RPS6KC1: variants seen among roughly 807,000 people sequenced by gnomAD.
RPS6KC1 encodes the protein ribosomal protein S6 kinase C1.
In RPS6KC1, 54 loss-of-function variants were observed where a neutral mutation model predicts 103.8. The observed-to-expected ratio is 0.52, with a 90% CI of 0.42 to 0.65. The LOEUF is 0.65. RPS6KC1 is among the 30% of genes least tolerant of loss of function. The pLI is 0.00. For synonymous variants in RPS6KC1, 439 were observed against 438.7 expected, an observed-to-expected ratio of 1.00 and a Z score of -0.01; for missense variants, 1,151 against 1,253.8, an observed-to-expected ratio of 0.92 and a Z score of 1.24.
chr1:213,383,581 A>G, the RPS6KC1 span, among the ~76,000 whole-genome samples: 1 of 152,306 alleles, frequency 6.6e-6, no homozygotes, highest in South Asian at 2.1e-4. Context: ...CCCCACCCCA[A>G]ATTCATATTT....
chr1:213,812,576 T>C, the RPS6KC1 span, among the ~76,000 whole-genome samples: 2 of 152,226 alleles, frequency 1.3e-5, no homozygotes, highest in South Asian at 4.1e-4. Context: ...TAAAGCCCTT[T>C]TAAAGACAGT....
At chr1:213,097,667 C>T (rs1411074010) in intron 3 of RPS6KC1, among the ~76,000 whole-genome samples, 1 of 152,192 alleles carries the variant, frequency 6.6e-6, no homozygotes, top group Non-Finnish European at 1.5e-5. Flanking sequence ...CATTTTCTTC[C>T]AAAAGAAGGC....
chr1:213,274,857 G>A (rs1274129024), downstream of RPS6KC1: 1 of 152,032 alleles, frequency 6.6e-6, no homozygotes, highest in Non-Finnish European at 1.5e-5. Flanking sequence ...ATACACTTCA[G>A]TAGTGGCATT....
chr1:213,384,026 C>T, the RPS6KC1 span, among the ~76,000 whole-genome samples: 1 of 152,158 alleles, frequency 6.6e-6, no homozygotes, highest in African/African-American at 2.4e-5. Context: ...CCTGTAATCC[C>T]AGCTCTTTTG....
the RPS6KC1 span, among the ~76,000 whole-genome samples, chr1:213,431,643 TTGTTTGTGTGTATGTG>T: frequency 3.5e-5 from 5 of 141,254 alleles, no homozygotes; most frequent in African/African-American, 5.3e-5. Flanking sequence ...TTGTATTCCA[TTGTTTGTGTGTATGTG>T]TGTGTGTGTG....
At chr1:213,057,718 G>C (rs1295936349) in intron 1 of RPS6KC1, among the ~76,000 whole-genome samples, 2 of 129,464 alleles carry the variant, frequency 1.5e-5, no homozygotes, top group East Asian at 4.6e-4. Context: ...ATTTTCTCCT[G>C]ATCTAGAGCA....
the RPS6KC1 span, among the ~76,000 whole-genome samples, chr1:213,767,520 T>C: frequency 1.3e-5 from 2 of 152,150 alleles, no homozygotes; most frequent in Non-Finnish European, 2.9e-5. Context: ...CCTTTACCCA[T>C]AGAACATGTG....
intron 8 of RPS6KC1, among the ~76,000 whole-genome samples, chr1:213,216,907 C>G (rs1372870098): frequency 6.6e-6 from 1 of 151,842 alleles, no homozygotes; most frequent in Non-Finnish European, 1.5e-5. Flanking sequence ...TAAATGCCCA[C>G]AAGAGAAAGC....
chr1:213,756,365 G>C, the RPS6KC1 span, among the ~76,000 whole-genome samples: 1 of 152,128 alleles, frequency 6.6e-6, no homozygotes, highest in Non-Finnish European at 1.5e-5. Context: ...GTAGGGAAGG[G>C]TTCAAAGGCA....
At chr1:213,303,755 T>C in the RPS6KC1 span, among the ~76,000 whole-genome samples, 1 of 152,178 alleles carries the variant, frequency 6.6e-6, no homozygotes, top group African/African-American at 2.4e-5. Flanking sequence ...CCAAAAGGTT[T>C]TATAAATAAT....
chr1:213,554,563 C>T, the RPS6KC1 span, among the ~76,000 whole-genome samples: 2 of 152,106 alleles, frequency 1.3e-5, no homozygotes, highest in Non-Finnish European at 2.9e-5. Flanking sequence ...CTGAATATCA[C>T]AATTGTTTAA....
At chr1:213,832,838 T>G in the RPS6KC1 span, among the ~76,000 whole-genome samples, 2 of 152,214 alleles carry the variant, frequency 1.3e-5, no homozygotes, top group Admixed American at 1.3e-4. Flanking sequence ...AGTGGAAAAT[T>G]ATGCCTAAAG....
At chr1:213,216,879 G>T (rs1468178237) in intron 8 of RPS6KC1, among the ~76,000 whole-genome samples, 1 of 151,646 alleles carries the variant, frequency 6.6e-6, no homozygotes, top group Non-Finnish European at 1.5e-5. Flanking sequence ...GCAGTGTGTA[G>T]AGGGAAATTT....
At chr1:213,130,584 G>A (rs934374545) in intron 6 of RPS6KC1, among the ~76,000 whole-genome samples, 2 of 151,994 alleles carry the variant, frequency 1.3e-5, no homozygotes, top group African/African-American at 4.8e-5. Flanking sequence ...ATTGTTCTGT[G>A]GTCTTGGGTT....
At chr1:213,670,704 C>G in the RPS6KC1 span, among the ~76,000 whole-genome samples, 3 of 152,220 alleles carry the variant, frequency 2.0e-5, 1 homozygote, top group African/African-American at 4.8e-5. Context: ...CTGGAAGCTG[C>G]AAAGTGCACC....
the RPS6KC1 span, among the ~76,000 whole-genome samples, chr1:213,823,504 G>C: frequency 1.3e-5 from 2 of 152,144 alleles, no homozygotes; most frequent in Non-Finnish European, 2.9e-5. Context: ...GAGGAACTTT[G>C]AGCCAGCAGT....
chr1:213,662,262 T>C, the RPS6KC1 span, among the ~76,000 whole-genome samples: 1 of 150,866 alleles, frequency 6.6e-6, no homozygotes, highest in Non-Finnish European at 1.5e-5. Flanking sequence ...AATACCAGAG[T>C]AAACTTTTCT....
At chr1:213,404,666 T>TGTACCTAGAGATCA in the RPS6KC1 span, among the ~76,000 whole-genome samples, 1 of 152,196 alleles carries the variant, frequency 6.6e-6, no homozygotes, top group Admixed American at 6.5e-5. Context: ...CTTTTGTGGC[T>TGTACCTAGAGATCA]GTACCTAGAG....
intron 5 of RPS6KC1, among the ~76,000 whole-genome samples, chr1:213,119,552 T>C (rs1412915103): frequency 1.4e-5 from 2 of 147,806 alleles, no homozygotes; most frequent in African/African-American, 5.0e-5. Context: ...GTTTCTTTTC[T>C]CTATTTTTTT....
Sources: gnomAD v4.1 joint callset for allele counts (sites outside exome capture counted in the v4.1 genomes callset) on GRCh38, gnomAD v4.1.1 for gene constraint, MANE v1.5 for transcripts, NCBI Gene and HGNC (gene_info 2026-07-23, HGNC 2026-07-21) for gene names.